NAT14: variants seen among roughly 807,000 people sequenced by gnomAD.
The protein encoded by NAT14 is N-acetyltransferase 14 (putative), also known as probable N-acetyltransferase 14.
In NAT14, 14 loss-of-function variants were observed where a neutral mutation model predicts 12.1. That is an observed-to-expected ratio of 1.16 (90% confidence interval 0.76 to 1.81). The LOEUF (loss-of-function observed/expected upper bound fraction) is 1.81. NAT14 is among the 40% of genes most tolerant of loss of function. The pLI, the probability that NAT14 is intolerant of heterozygous loss-of-function variation, is 0.00. For synonymous variants in NAT14, 156 were observed against 145.1 expected (o/e 1.08, Z -0.54); for missense variants, 341 against 304.3 (o/e 1.12, Z -0.90).
In NAT14 at chr19:55,486,388, G is replaced by A; in HGVS notation, c.73-20G>A. On this transcript the variant is annotated intron_variant, in intron 2 of 2. Transcript: ENST00000205194. ...AGGCCCTAGCGTTTCGGATGGCTGAGCCACCCCTCCTGCCCACAGGCCGGC... is the reference window on the plus strand; with the variant it reads ...AGGCCCTAGCGTTTCGGATGGCTGAACCACCCCTCCTGCCCACAGGCCGGC... 2 of 1,428,454 alleles carry A rather than the reference G, an allele frequency of 1.4e-6. No individual in the cohort carries two copies. Among genetic ancestry groups the A allele is most frequent in the Non-Finnish European group, 1.8e-6 (2 of 1,096,962 alleles). 88.5% of individuals were successfully genotyped at this position (1,428,454 alleles called of 1,614,324 possible). A position where few individuals can be genotyped will look rare whatever the true frequency, so the allele number is the denominator to read the frequency against.
rs1986931519 is a variant in NAT14, at chr19:55,486,746, G to A, written c.411G>A (p.Arg137=). ...RLSVSRWHRR[R]GVGRRLLAFA... Reference sequence around the variant, plus strand: ...CTGTCTCTCGCTGGCACCGCCGCCGGGGCGTGGGCAGGAGGCTGCTGGCCT... The same window carrying A: ...CTGTCTCTCGCTGGCACCGCCGCCGAGGCGTGGGCAGGAGGCTGCTGGCCT... The change falls in exon 3 of 3, where the codon CGG becomes CGA. Residue 137 remains arginine, a synonymous_variant. Transcript: ENST00000205194. The A allele has an allele frequency of 1.4e-6, 2 of 1,414,304 alleles. No homozygotes were observed. Among genetic ancestry groups the A allele is most frequent in the East Asian group, 5.7e-5 (2 of 35,276 alleles). The allele number at this position is 1,414,304 out of a possible 1,614,324, so 87.6% of individuals were successfully genotyped here.
Position 55,487,197 on chromosome 19 carries a change from G to T in NAT14, c.*241G>T. 1 of 587,180 alleles carries T rather than the reference G, an allele frequency of 1.7e-6. No homozygotes were observed. Among genetic ancestry groups the T allele is most frequent in the East Asian group, 3.4e-5 (1 of 29,350 alleles). The allele number at this position is 587,180 out of a possible 1,614,324, so 36.4% of individuals were successfully genotyped here. Reference sequence around the variant, plus strand: ...CTCCTTTTCCTTCCTGGCCCTCGGGGGCCTCTCGAGGTCAGCCTCTCCAAC... The same window carrying T: ...CTCCTTTTCCTTCCTGGCCCTCGGGTGCCTCTCGAGGTCAGCCTCTCCAAC... On this transcript the variant is annotated 3_prime_UTR_variant, in exon 3 of 3. Transcript: ENST00000205194.
At position 55,486,644 on chromosome 19, in the gene NAT14, C is replaced by A. The variant is rs765821942; in HGVS notation, c.309C>A (p.Gly103=). ...GLGGPWVAVR[G]SGDVCGVLAL... ...GGGGCCCCTGGGTGGCCGTGCGGGG[C>A]TCCGGTGACGTGTGTGGGGTCCTGG... Residue 103 remains glycine, a synonymous_variant, in exon 3 of 3, where the codon GGC becomes GGA. Coordinates refer to ENST00000205194, the MANE Select transcript of NAT14 (RefSeq NM_020378.4). 2.5e-5 allele frequency: 38 copies of A among 1,508,462 alleles called. No individual in the cohort carries two copies. The highest frequency in any genetic ancestry group is 3.2e-5 in the Non-Finnish European group (37 of 1,139,092). The allele number at this position is 1,508,462 out of a possible 1,614,324, so 93.4% of individuals were successfully genotyped here. A position where few individuals can be genotyped will look rare whatever the true frequency, so the allele number is the denominator to read the frequency against.
At position 55,485,708 on chromosome 19, in the gene NAT14, C is replaced by T; in HGVS notation, c.-1C>T. On this transcript the variant is annotated 5_prime_UTR_variant, in exon 2 of 3. Coordinates refer to ENST00000205194, the MANE Select transcript of NAT14 (RefSeq NM_020378.4). ...TGGGGGGCCGGGGCCTGGGGGTTGC[C>T]ATGGCCCCCAGCCACCTGTCAGTGC... 6.5e-7 allele frequency: 1 copy of T among 1,550,194 alleles called. No homozygotes were observed. The highest frequency in any genetic ancestry group is 8.7e-7 in the Non-Finnish European group (1 of 1,145,890).
Position 55,486,520 on chromosome 19 carries a change from T to TCGCCCTGGCCCTCCTC in NAT14, c.187_202dup (p.Leu68ArgfsTer44). 1 of 1,587,120 alleles carries TCGCCCTGGCCCTCCTC rather than the reference T, an allele frequency of 6.3e-7. No individual in the cohort carries two copies. Among genetic ancestry groups the TCGCCCTGGCCCTCCTC allele is most frequent in the South Asian group, 1.1e-5 (1 of 88,702 alleles). ...GGCCTGCGCTTTGTCCTGGCTTCCT[T>TCGCCCTGGCCCTCCTC]CGCCCTGGCCCTCCTCCTGCCGGTG... On this transcript the variant is annotated frameshift_variant, in exon 3 of 3. Transcript: ENST00000205194. LOFTEE classifies it high-confidence loss of function.
At position 55,486,863 on chromosome 19, in the gene NAT14, G is replaced by A; in HGVS notation, c.528G>A (p.Val176=). ...VVPVAVAAWG[V]GGMLEGCGYQ... ...CCGTGGCTGTGGCCGCCTGGGGGGT[G>A]GGAGGGATGCTGGAGGGCTGTGGCT... The change falls in exon 3 of 3, where the codon GTG becomes GTA. Residue 176 remains valine (V), a synonymous_variant. Transcript: ENST00000205194. 6.5e-7 allele frequency: 1 copy of A among 1,531,258 alleles called. No individual in the cohort carries two copies. The highest frequency in any genetic ancestry group is 8.7e-7 in the Non-Finnish European group (1 of 1,145,520). 94.9% of individuals were successfully genotyped at this position (1,531,258 alleles called of 1,614,324 possible). A position where few individuals can be genotyped will look rare whatever the true frequency, so the allele number is the denominator to read the frequency against.
rs1986949058 is a variant in NAT14 at position 55,487,142 on chromosome 19, GT to G, written c.*188del. Reference sequence around the variant, plus strand: ...TCCACCCGTCAGCAGTGTGAAGTCTGTTGTGTTTGAGCTTCTCAGAGTGGAA... The same window carrying G: ...TCCACCCGTCAGCAGTGTGAAGTCTGTGTGTTTGAGCTTCTCAGAGTGGAA... On this transcript the variant is annotated 3_prime_UTR_variant, in exon 3 of 3. Coordinates refer to ENST00000205194, the MANE Select transcript of NAT14 (RefSeq NM_020378.4). 1.1e-5 allele frequency: 10 copies of G among 943,726 alleles called. No individual in the cohort carries two copies. In the Admixed American group the frequency reaches 3.4e-4, roughly 32 times the overall value. 58.5% of individuals were successfully genotyped at this position (943,726 alleles called of 1,614,324 possible). A position where few individuals can be genotyped will look rare whatever the true frequency, so the allele number is the denominator to read the frequency against.
Position 55,485,656 on chromosome 19 carries a change from A to T in NAT14, c.-48-5A>T, listed in dbSNP as rs1476074042. The T allele has an allele frequency of 6.9e-7, 1 of 1,454,232 alleles. No homozygotes were observed. Among genetic ancestry groups the T allele is most frequent in the Admixed American group, 2.0e-5 (1 of 50,278 alleles). 90.1% of individuals were successfully genotyped at this position (1,454,232 alleles called of 1,614,324 possible). A position where few individuals can be genotyped will look rare whatever the true frequency, so the allele number is the denominator to read the frequency against. ...CTGACGCTGACCTACTTATGTTCTCACCAGGTGCACGACGCCAGCTCCCTT... is the reference window on the plus strand; with the variant it reads ...CTGACGCTGACCTACTTATGTTCTCTCCAGGTGCACGACGCCAGCTCCCTT... On this transcript the variant is annotated splice_region_variant and splice_polypyrimidine_tract_variant and intron_variant, in intron 1 of 2. Coordinates refer to ENST00000205194, the MANE Select transcript of NAT14 (RefSeq NM_020378.4).
At chr19:55,485,932 C>A in intron 2 of NAT14, 152 bp downstream of exon 2, 1 of 678,278 alleles carries the variant, frequency 1.5e-6, no homozygotes, top group Non-Finnish European at 2.6e-6. Context: ...CTGCTGAAAA[C>A]CACAGCAGGT....
chr19:55,485,538 T>G, intron 1 of NAT14, 123 bp from the exon 2 acceptor site: 1 of 587,890 alleles, frequency 1.7e-6, no homozygotes. Context: ...AGATCCTCGC[T>G]TGGGGGCCCC....
Position 55,486,426 on chromosome 19 carries a change from GA to G in NAT14, c.95del (p.Asn32ThrfsTer8). ...EMLKAGVKDT[E>X]NRVALHALTR... ...CCCACAGGCCGGCGTGAAGGACACG[GA>G]AAACCGCGTGGCCCTCCATGCCTTG... On this transcript the variant is annotated frameshift_variant, in exon 3 of 3. Coordinates refer to ENST00000205194, the MANE Select transcript of NAT14 (RefSeq NM_020378.4). LOFTEE classifies it high-confidence loss of function. 2.0e-6 allele frequency: 3 copies of G among 1,494,870 alleles called. No individual in the cohort carries two copies. Among genetic ancestry groups the G allele is most frequent in the Non-Finnish European group, 8.8e-7 (1 of 1,131,630 alleles). The allele number at this position is 1,494,870 out of a possible 1,614,324, so 92.6% of individuals were successfully genotyped here.
In NAT14 at chr19:55,486,848, G is replaced by A; in HGVS notation, c.513G>A (p.Val171=). ...CCCGGCTCGTGGTCCCCGTGGCTGT[G>A]GCCGCCTGGGGGGTGGGAGGGATGC... ...PRARLVVPVA[V]AAWGVGGMLE... Residue 171 remains valine (V), a synonymous_variant, in exon 3 of 3, where the codon GTG becomes GTA. Transcript: ENST00000205194. The A allele has an allele frequency of 6.6e-7, 1 of 1,524,710 alleles. No homozygotes were observed. The highest frequency in any genetic ancestry group is 1.4e-5 in the African/African-American group (1 of 72,330). The allele number at this position is 1,524,710 out of a possible 1,614,324, so 94.4% of individuals were successfully genotyped here.
In NAT14 at chr19:55,486,698, C is replaced by A; in HGVS notation, c.363C>A (p.Asp121Glu). The change falls in exon 3 of 3, where the codon GAC (aspartate) becomes GAA (glutamate). Residue 121 changes from aspartate (D) to glutamate (E), a missense_variant. Coordinates refer to ENST00000205194, the MANE Select transcript of NAT14 (RefSeq NM_020378.4). The stretch of plus-strand genomic sequence containing the variant: ...TGGCCCCTGGCACAAATGCAGGGGA[C>A]GGGGCCCGGGTCACCCGCCTGTCTG... ...LALAPGTNAG[D>E]GARVTRLSVS... 1 of 1,421,508 alleles carries A rather than the reference C, an allele frequency of 7.0e-7. No homozygotes were observed. The highest frequency in any genetic ancestry group is 9.1e-7 in the Non-Finnish European group (1 of 1,099,358). The allele number at this position is 1,421,508 out of a possible 1,614,324, so 88.1% of individuals were successfully genotyped here. A position where few individuals can be genotyped will look rare whatever the true frequency, so the allele number is the denominator to read the frequency against.
intron 1 of NAT14, 88 bp downstream of exon 1, chr19:55,485,346 C>G (rs1599904965): frequency 4.1e-6 from 1 of 244,698 alleles, no homozygotes; most frequent in East Asian, 8.1e-5. Context: ...CGAGCGTGGT[C>G]CGTTCTCTGG....
Position 55,486,400 on chromosome 19 carries a change from G to A in NAT14, c.73-8G>A. 1 of 1,443,122 alleles carries A rather than the reference G, an allele frequency of 6.9e-7. No homozygotes were observed. Among genetic ancestry groups the A allele is most frequent in the African/African-American group, 1.5e-5 (1 of 67,592 alleles). 89.4% of individuals were successfully genotyped at this position (1,443,122 alleles called of 1,614,324 possible). The stretch of plus-strand genomic sequence containing the variant: ...TTCGGATGGCTGAGCCACCCCTCCT[G>A]CCCACAGGCCGGCGTGAAGGACACG... On this transcript the variant is annotated splice_region_variant and splice_polypyrimidine_tract_variant and intron_variant, in intron 2 of 2. Coordinates refer to ENST00000205194, the MANE Select transcript of NAT14 (RefSeq NM_020378.4).
chr19:55,485,877 G>T (rs1369553660), intron 2 of NAT14, 97 bp downstream of exon 2: 5 of 946,994 alleles, frequency 5.3e-6, no homozygotes, highest in Non-Finnish European at 6.6e-6. Context: ...AGCCAGCCTG[G>T]ACCCCTGGAG....
Position 55,486,394 on chromosome 19 carries a change from C to T in NAT14, c.73-14C>T, listed in dbSNP as rs757525204. On this transcript the variant is annotated splice_polypyrimidine_tract_variant and intron_variant, in intron 2 of 2. Transcript: ENST00000205194. ...TAGCGTTTCGGATGGCTGAGCCACCCCTCCTGCCCACAGGCCGGCGTGAAG... is the reference window on the plus strand; with the variant it reads ...TAGCGTTTCGGATGGCTGAGCCACCTCTCCTGCCCACAGGCCGGCGTGAAG... 7.0e-7 allele frequency: 1 copy of T among 1,435,742 alleles called. No individual in the cohort carries two copies. 88.9% of individuals were successfully genotyped at this position (1,435,742 alleles called of 1,614,324 possible). A position where few individuals can be genotyped will look rare whatever the true frequency, so the allele number is the denominator to read the frequency against.
intron 1 of NAT14, 48 bp from the exon 2 acceptor site, chr19:55,485,613 G>A (rs2123418518): frequency 9.7e-7 from 1 of 1,028,424 alleles, no homozygotes; most frequent in Middle Eastern, 2.2e-4. Flanking sequence ...GGGGAGCTTT[G>A]GGGACAGAGG....
chr19:55,486,110 C>T (rs1986906669), intron 2 of NAT14: 1 of 547,166 alleles, frequency 1.8e-6, no homozygotes. Context: ...GCCCAGCAGC[C>T]TCCCTCCAGC....
Sources: allele counts gnomAD v4.1 joint callset, GRCh38; gene constraint gnomAD v4.1.1; transcripts MANE v1.5; gene names NCBI Gene and HGNC (gene_info 2026-07-23, HGNC 2026-07-21).